The following SPAG16 variants were observed in gnomAD, a reference collection of about 807,000 sequenced individuals.
SPAG16 encodes the protein sperm associated antigen 16.
SPAG16 carries 86 observed loss-of-function variants against 80.4 expected under a neutral mutation model. The ratio of observed to expected loss-of-function variants is 1.07; its 90% confidence interval spans 0.90 to 1.28. The LOEUF (loss-of-function observed/expected upper bound fraction) is 1.28, where lower values mean the gene tolerates loss of function less well. Among genes scored for constraint, SPAG16 ranks in the 50% most tolerant of loss-of-function variants. SPAG16 has a pLI of 0.00. For synonymous variants in SPAG16, 294 were observed against 265.9 expected (o/e 1.11, Z -1.03); for missense variants, 870 against 765.3 (o/e 1.14, Z -1.61).
intron 10 of SPAG16, among the ~76,000 whole-genome samples, chr2:213,576,020 T>C (rs1383661379): frequency 1.3e-5 from 2 of 152,208 alleles, no homozygotes; most frequent in African/African-American, 2.4e-5. Context: ...CTGAATGGTA[T>C]TGCCTAGGTT....
At position 214,195,553 on chromosome 2, in the gene SPAG16, A is replaced by G. The variant is rs73081040; in HGVS notation, c.1720+46287A>G. Among the ~76,000 whole-genome samples, 422 of 152,102 alleles carry G rather than the reference A, an allele frequency of 2.8e-3. 1 individual carries two copies. The highest frequency in any genetic ancestry group is 9.6e-3 in the African/African-American group (398 of 41,532). ...TGATATATTAGAACAAACTTTGCGC[A>G]TAAAACTGAAAGGGCATGGTGATGG... On this transcript the variant is annotated intron_variant, in intron 15 of 15. Coordinates refer to ENST00000331683, the MANE Select transcript of SPAG16 (RefSeq NM_024532.5).
intron 15 of SPAG16, among the ~76,000 whole-genome samples, chr2:214,293,542 C>T (rs72946119): frequency 0.15 from 22,850 of 152,186 alleles, 2,129 homozygotes; most frequent in Middle Eastern, 0.23. Flanking sequence ...TCAGGCACTA[C>T]GTATGATAGG....
chr2:213,384,162 C>A (rs2067311524), intron 9 of SPAG16, among the ~76,000 whole-genome samples: 1 of 152,168 alleles, frequency 6.6e-6, no homozygotes, highest in Admixed American at 6.5e-5. Flanking sequence ...TCCACATCTA[C>A]ATCCTTTGTT....
chr2:214,011,790 A>T (rs181735596), intron 12 of SPAG16, among the ~76,000 whole-genome samples: 1 of 152,226 alleles, frequency 6.6e-6, no homozygotes, highest in East Asian at 1.9e-4. Flanking sequence ...AGCTTTGATG[A>T]GAAAGGGAAG....
At chr2:214,263,494 C>T (rs887015621) in intron 15 of SPAG16, among the ~76,000 whole-genome samples, 2 of 152,046 alleles carry the variant, frequency 1.3e-5, no homozygotes, top group African/African-American at 4.8e-5. Context: ...CATATATGAG[C>T]GATCCTACCT....
At chr2:213,582,933 G>A (rs971421541) in intron 10 of SPAG16, among the ~76,000 whole-genome samples, 7 of 152,096 alleles carry the variant, frequency 4.6e-5, no homozygotes, top group Non-Finnish European at 8.8e-5. Flanking sequence ...TTTAAAAGGT[G>A]ATAATACAAC....
At chr2:213,970,580 T>C (rs2044988863) in intron 12 of SPAG16, among the ~76,000 whole-genome samples, 1 of 152,146 alleles carries the variant, frequency 6.6e-6, no homozygotes, top group African/African-American at 2.4e-5. Context: ...GGTTTACAGG[T>C]GTGAACCACC....
At chr2:213,718,704 C>T (rs1478273634) in intron 10 of SPAG16, among the ~76,000 whole-genome samples, 5 of 152,220 alleles carry the variant, frequency 3.3e-5, no homozygotes, top group African/African-American at 9.6e-5. Context: ...CTCGATTTCT[C>T]GTGGGGCCTT....
chr2:213,705,198 T>C (rs1182330688), intron 10 of SPAG16, among the ~76,000 whole-genome samples: 2 of 151,604 alleles, frequency 1.3e-5, no homozygotes, highest in East Asian at 3.9e-4. Context: ...CAGTGAGCCG[T>C]GATCGTGCCA....
At chr2:213,367,476 C>T (rs1388395081) in intron 8 of SPAG16, among the ~76,000 whole-genome samples, 1 of 152,290 alleles carries the variant, frequency 6.6e-6, no homozygotes. Flanking sequence ...TTAATGATCG[C>T]CATTCTAACT....
At position 213,716,983 on chromosome 2, in the gene SPAG16, C is replaced by G. The variant is rs181240078; in HGVS notation, c.1071-145502C>G. 2.5e-4 allele frequency among the ~76,000 whole-genome samples: 38 copies of G among 151,750 alleles called. No homozygotes were observed. In the South Asian group the frequency reaches 7.5e-3, roughly 30 times the overall value. ...TCATAGTTTGTGCTTATTTTTTTTC[C>G]TGATAAAATTGTTTGACAGGCTTAG... is the stretch of plus-strand genomic sequence containing the variant. On this transcript the variant is annotated intron_variant, in intron 10 of 15. Transcript: ENST00000331683.
At chr2:213,583,935 A>G (rs954290879) in intron 10 of SPAG16, among the ~76,000 whole-genome samples, 3 of 152,214 alleles carry the variant, frequency 2.0e-5, no homozygotes, top group African/African-American at 7.2e-5. Flanking sequence ...ACGTGAGTGC[A>G]GTTTCTTTCA....
chr2:213,849,992 A>C (rs537962130), intron 10 of SPAG16, among the ~76,000 whole-genome samples: 18 of 152,310 alleles, frequency 1.2e-4, no homozygotes, highest in Admixed American at 3.9e-4. Context: ...AGTATATATA[A>C]AACTATGTAG....
At chr2:213,672,539 C>G (rs1405240387) in intron 10 of SPAG16, among the ~76,000 whole-genome samples, 1 of 152,094 alleles carries the variant, frequency 6.6e-6, no homozygotes, top group East Asian at 1.9e-4. Context: ...CATTTCCCGT[C>G]ATCTTACTGA....
At chr2:214,010,900 A>G (rs2047250151) in intron 12 of SPAG16, among the ~76,000 whole-genome samples, 1 of 145,864 alleles carries the variant, frequency 6.9e-6, no homozygotes, top group Non-Finnish European at 1.5e-5. Context: ...GAACATAAAT[A>G]CGTTATTTTC....
chr2:213,334,940 CCGAA>C (rs1030381838), intron 5 of SPAG16, among the ~76,000 whole-genome samples: 2 of 152,026 alleles, frequency 1.3e-5, no homozygotes, highest in African/African-American at 4.8e-5. Context: ...TTAAAAATAA[CCGAA>C]AGTAAAATTC....
intron 13 of SPAG16, 80 bp from the exon 14 acceptor site, chr2:214,108,116 A>T: frequency 8.8e-7 from 1 of 1,131,274 alleles, no homozygotes; most frequent in Non-Finnish European, 1.3e-6. Flanking sequence ...AAATTACTTT[A>T]AAACTTAAAA....
chr2:213,642,562 A>T (rs2062631622), intron 10 of SPAG16, among the ~76,000 whole-genome samples: 1 of 151,642 alleles, frequency 6.6e-6, no homozygotes, highest in Non-Finnish European at 1.5e-5. Context: ...GCACCATCTA[A>T]TCAGCTGCCA....
intron 14 of SPAG16, among the ~76,000 whole-genome samples, chr2:214,130,162 C>A (rs1218849142): frequency 1.3e-5 from 2 of 152,100 alleles, no homozygotes; most frequent in Non-Finnish European, 2.9e-5. Context: ...AATAGATAAG[C>A]CCTGATTGGC....
Sources: allele counts gnomAD v4.1 joint callset (sites outside exome capture counted in the v4.1 genomes callset), GRCh38; gene constraint gnomAD v4.1.1; transcripts MANE v1.5; gene names NCBI Gene and HGNC (gene_info 2026-07-23, HGNC 2026-07-21).